The following NR2F1-AS1 variants were observed in gnomAD, a reference collection of about 807,000 sequenced individuals.
The protein encoded by NR2F1-AS1 is NR2F1 antisense RNA 1.
chr5:93,581,627 C>G (rs1388717253), upstream of NR2F1-AS1, among the ~76,000 whole-genome samples: 1 of 147,312 alleles, frequency 6.8e-6, no homozygotes, highest in Non-Finnish European at 1.5e-5. Flanking sequence ...GCCCCTCCTC[C>G]CGCGACCAAT....
At chr5:93,415,192 C>G (rs985154747) in intron 4 of NR2F1-AS1, among the ~76,000 whole-genome samples, 6 of 152,178 alleles carry the variant, frequency 3.9e-5, no homozygotes, top group Non-Finnish European at 8.8e-5. Context: ...TTCTCTGCCA[C>G]TTTATAGCTG....
At chr5:93,457,682 T>C (rs1749982324) in intron 4 of NR2F1-AS1, among the ~76,000 whole-genome samples, 1 of 152,112 alleles carries the variant, frequency 6.6e-6, no homozygotes, top group South Asian at 2.1e-4. Flanking sequence ...ACACCGTTGA[T>C]ACAATCATCA....
At chr5:93,433,506 A>G (rs1396737678) in intron 4 of NR2F1-AS1, among the ~76,000 whole-genome samples, 4 of 152,226 alleles carry the variant, frequency 2.6e-5, no homozygotes, top group African/African-American at 7.2e-5. Context: ...ACAGTCATAC[A>G]TTGCTTAACA....
chr5:93,430,861 T>TATCATCATCATCATCATCATCATCATC (rs138817898), intron 4 of NR2F1-AS1, among the ~76,000 whole-genome samples: 7,641 of 149,548 alleles, frequency 0.051, 242 homozygotes, highest in Middle Eastern at 0.1. Flanking sequence ...TCCCTTGCTT[T>TATCATCATCATCATCATCATCATCATC]ATCATCATCA....
intron 4 of NR2F1-AS1, among the ~76,000 whole-genome samples, chr5:93,523,648 G>A (rs952142524): frequency 1.3e-5 from 2 of 152,210 alleles, no homozygotes; most frequent in African/African-American, 4.8e-5. Flanking sequence ...GAAGCTTCCA[G>A]AGGAAAGAAC....
chr5:93,443,343 G>A (rs1030570369), intron 4 of NR2F1-AS1, among the ~76,000 whole-genome samples: 2 of 152,150 alleles, frequency 1.3e-5, no homozygotes. Context: ...ACAGCATAGA[G>A]AAGACCCTAA....
At chr5:93,478,285 T>C (rs999495569) in intron 4 of NR2F1-AS1, among the ~76,000 whole-genome samples, 3 of 152,224 alleles carry the variant, frequency 2.0e-5, no homozygotes, top group African/African-American at 4.8e-5. Flanking sequence ...ATGACAATGC[T>C]AATCTCAGGA....
intron 2 of NR2F1-AS1, among the ~76,000 whole-genome samples, chr5:93,555,780 T>G (rs959564937): frequency 5.9e-5 from 9 of 152,184 alleles, no homozygotes; most frequent in Non-Finnish European, 1.3e-4. Context: ...GACACTAATT[T>G]ATTTTAGAAA....
chr5:93,460,782 G>C (rs1339138150), intron 4 of NR2F1-AS1, among the ~76,000 whole-genome samples: 1 of 152,134 alleles, frequency 6.6e-6, no homozygotes, highest in Non-Finnish European at 1.5e-5. Flanking sequence ...ACCACAGTGA[G>C]GTACCATCTC....
rs60895927 is a variant in NR2F1-AS1 at position 93,450,914 on chromosome 5, CAAAAA to C, written n.639-55377_639-55373del. On this transcript the variant is annotated intron_variant and non_coding_transcript_variant, in intron 4 of 5. Coordinates refer to ENST00000660523, the Ensembl canonical transcript of NR2F1-AS1. ...TGGGCAACACAGCAAGAATCTGCTT[CAAAAA>C]AAAAAAAAAAAAAAAAAAAACAGAG... Among the ~76,000 whole-genome samples, 409 of 54,034 alleles carry C rather than the reference CAAAAA, an allele frequency of 7.6e-3. 1 individual carries two copies. Among genetic ancestry groups the C allele is most frequent in the African/African-American group, 0.02 (382 of 18,988 alleles). 35.4% of individuals were successfully genotyped at this position (54,034 alleles called of 152,430 possible).
intron 4 of NR2F1-AS1, among the ~76,000 whole-genome samples, chr5:93,421,162 T>C (rs2149842453): frequency 6.6e-6 from 1 of 152,276 alleles, no homozygotes. Context: ...CAATGCAGTA[T>C]AAAGTAAAAT....
At chr5:93,411,500 G>C (rs768396133) in intron 4 of NR2F1-AS1, 1 of 152,232 alleles carries the variant, frequency 6.6e-6, no homozygotes, top group Non-Finnish European at 1.5e-5. Context: ...CAGTCCTAGA[G>C]GCAGTGTATC....
At chr5:93,503,924 T>G in intron 4 of NR2F1-AS1, among the ~76,000 whole-genome samples, 1 of 152,170 alleles carries the variant, frequency 6.6e-6, no homozygotes, top group East Asian at 1.9e-4. Context: ...GGCTATATGC[T>G]GAGTCCTGTG....
upstream of NR2F1-AS1, chr5:93,585,255 G>A (rs1255702001): frequency 6.3e-7 from 1 of 1,577,570 alleles, no homozygotes. Flanking sequence ...GCCCGGTTCG[G>A]GCCAGAGCCA....
rs1171443130 is a variant in NR2F1-AS1, at chr5:93,443,889, C to A, written n.639-48347G>T. Among the ~76,000 whole-genome samples, 3 of 152,238 alleles carry A rather than the reference C, an allele frequency of 2.0e-5. No individual in the cohort carries two copies. The East Asian group carries it at 5.8e-4, about 29-fold the overall frequency. ...CTACAAGCCAGAAGAGAGTGGGGGC[C>A]AATATTCAACATTCTTAAGGGAAAC... On this transcript the variant is annotated intron_variant and non_coding_transcript_variant, in intron 4 of 5. Transcript: ENST00000660523.
At chr5:93,470,769 T>C (rs1054753902) in intron 4 of NR2F1-AS1, among the ~76,000 whole-genome samples, 3 of 151,900 alleles carry the variant, frequency 2.0e-5, no homozygotes, top group African/African-American at 7.2e-5. Context: ...TTAGATATTA[T>C]CATGTTAGCA....
intron 1 of NR2F1-AS1, among the ~76,000 whole-genome samples, chr5:93,574,119 A>C (rs909862231): frequency 3.9e-5 from 6 of 152,180 alleles, no homozygotes; most frequent in African/African-American, 1.4e-4. Context: ...TAATTTATTC[A>C]ATGTTGTGTT....
rs1305900505 is a variant in NR2F1-AS1 at position 93,435,336 on chromosome 5, G to A, written n.639-39794C>T. 3.3e-5 allele frequency among the ~76,000 whole-genome samples: 5 copies of A among 152,078 alleles called. No individual in the cohort carries two copies. In the South Asian group the frequency reaches 1.0e-3, roughly 31 times the overall value. ...GAGTTTGGCCAGTGAGAAGCCCTTT[G>A]ATCTATCAGACTTCCATGGTTTTCT... On this transcript the variant is annotated intron_variant and non_coding_transcript_variant, in intron 4 of 5. Transcript: ENST00000660523.
chr5:93,563,650 A>G (rs1752545123), intron 1 of NR2F1-AS1, among the ~76,000 whole-genome samples: 1 of 152,250 alleles, frequency 6.6e-6, no homozygotes, highest in African/African-American at 2.4e-5. Context: ...CAATGCCTAA[A>G]TAAAAGGTGT....
Sources: gnomAD v4.1 joint callset for allele counts (sites outside exome capture counted in the v4.1 genomes callset) on GRCh38, gnomAD v4.1.1 for gene constraint, MANE v1.5 for transcripts, NCBI Gene and HGNC (gene_info 2026-07-23, HGNC 2026-07-21) for gene names.